ZNF726: variants seen among roughly 807,000 people sequenced by gnomAD.
The protein encoded by ZNF726 is zinc finger protein 92 pseudogene 3.
Under a neutral mutation model 11.6 loss-of-function variants are expected in ZNF726, and 15 were observed. The ratio of observed to expected loss-of-function variants is 1.29; its 90% CI spans 0.86 to 1.99. The LOEUF (loss-of-function observed/expected upper bound fraction) is 1.99, where lower values mean the gene tolerates loss of function less well. Among genes scored for constraint, ZNF726 ranks in the 30% most tolerant of loss-of-function variants. ZNF726 has a pLI of 0.00. For synonymous variants in ZNF726, 295 were observed against 243.6 expected (o/e 1.21, Z -1.96); for missense variants, 890 against 725.6 (o/e 1.23, Z -2.60).
In ZNF726 at chr19:23,914,897, C is replaced by T. The variant is rs535868181; in HGVS notation, c.-98C>T. The stretch of plus-strand genomic sequence containing the variant: ...TTGGCGGGGCCTTTGTCTCTATCTG[C>T]GGCCGGAGCTCCAGGTCTCGTCCTC... On this transcript the variant is annotated 5_prime_UTR_variant, in exon 1 of 4. Transcript: ENST00000594466. 8.4e-6 allele frequency: 13 copies of T among 1,554,972 alleles called. No individual in the cohort carries two copies. The Admixed American group carries it at 1.6e-4, about 20-fold the overall frequency.
At chr19:23,926,423 C>T (rs1427324703) in intron 3 of ZNF726, among the ~76,000 whole-genome samples, 1 of 151,780 alleles carries the variant, frequency 6.6e-6, no homozygotes, top group African/African-American at 2.4e-5. Flanking sequence ...AGCGTGATGG[C>T]GTGCATGTTA....
rs1050829182 is a variant in ZNF726, at chr19:23,932,634, T to C, written c.518T>C (p.Phe173Ser). ...YKIRHTRKKP[F>S]KCKNCVKSFC... ...ATAAGACATACTAGAAAGAAACCTTTCAAATGTAAAAATTGTGTCAAATCA... is the reference window on the plus strand; with the variant it reads ...ATAAGACATACTAGAAAGAAACCTTCCAAATGTAAAAATTGTGTCAAATCA... Residue 173 changes from phenylalanine (F) to serine (S), a missense_variant, in exon 4 of 4, where the codon TTC becomes TCC. Coordinates refer to ENST00000594466, the MANE Select transcript of ZNF726 (RefSeq NM_001244038.2). 1 of 1,556,078 alleles carries C rather than the reference T, an allele frequency of 6.4e-7. No homozygotes were observed. Among genetic ancestry groups the C allele is most frequent in the Non-Finnish European group, 8.7e-7 (1 of 1,153,312 alleles).
downstream of ZNF726, among the ~76,000 whole-genome samples, chr19:23,936,959 A>C (rs1446855952): frequency 6.6e-6 from 1 of 151,808 alleles, no homozygotes; most frequent in Admixed American, 6.6e-5. Flanking sequence ...GCCCGTTCTC[A>C]ATGAGCTGTT....
intron 3 of ZNF726, among the ~76,000 whole-genome samples, chr19:23,925,713 C>CTT (rs1207103965): frequency 2.3e-4 from 26 of 112,606 alleles, no homozygotes; most frequent in Non-Finnish European, 3.2e-4. Context: ...TTTTTCTTTT[C>CTT]TTTTTTTTTT....
At chr19:23,920,147 C>A in intron 3 of ZNF726, 65 bp downstream of exon 3, 1 of 1,179,788 alleles carries the variant, frequency 8.5e-7, no homozygotes, top group Non-Finnish European at 1.2e-6. Flanking sequence ...GAAAGCCAGT[C>A]TTTAAAGTGA....
intron 1 of ZNF726, among the ~76,000 whole-genome samples, 185 bp downstream of exon 1, chr19:23,915,182 G>A (rs1015592257): frequency 5.3e-5 from 8 of 152,110 alleles, no homozygotes; most frequent in Non-Finnish European, 7.4e-5. Flanking sequence ...CCGGGCTCCC[G>A]GGCGTTCTGT....
chr19:23,926,386 C>T (rs971774413), intron 3 of ZNF726, among the ~76,000 whole-genome samples: 3 of 151,902 alleles, frequency 2.0e-5, no homozygotes, highest in African/African-American at 7.3e-5. Context: ...AACCCCGTCT[C>T]TACTAAAAAT....
Position 23,934,423 on chromosome 19 carries a change from T to C in ZNF726, c.*456T>C. 1 of 461,430 alleles carries C rather than the reference T, an allele frequency of 2.2e-6. No homozygotes were observed. The highest frequency in any genetic ancestry group is 1.6e-5 in the South Asian group (1 of 60,916). 28.6% of individuals were successfully genotyped at this position (461,430 alleles called of 1,614,324 possible). A position where few individuals can be genotyped will look rare whatever the true frequency, so the allele number is the denominator to read the frequency against. ...AATGTGTCAAAGCCTTTAAGCAGTC[T>C]TCAATCCTGAGTAACCATAAGATAA... On this transcript the variant is annotated 3_prime_UTR_variant, in exon 4 of 4. Transcript: ENST00000594466.
chr19:23,930,385 G>T (rs1254394575), intron 3 of ZNF726, among the ~76,000 whole-genome samples: 2 of 151,706 alleles, frequency 1.3e-5, no homozygotes, highest in Non-Finnish European at 2.9e-5. Flanking sequence ...TTTTGTTTTG[G>T]AAGTTTATAT....
chr19:23,944,111 G>T lies in ZNF726; in HGVS notation c.322+522G>T, dbSNP rs563322405. 5 of 152,226 alleles carry T rather than the reference G, an allele frequency of 3.3e-5. No homozygotes were observed. In the South Asian group the frequency reaches 1.0e-3, roughly 32 times the overall value. The allele number at this position is 152,226 out of a possible 1,614,324, so 9.4% of individuals were successfully genotyped here. On this transcript the variant is annotated intron_variant, in intron 4 of 4. Transcript: ENST00000334589. ...TTATTGTTTTCATTTGCAGTTGCCT[G>T]TTGTTAGGTGATATTGACCACTTTT...
chr19:23,926,308 G>A (rs1218835495), intron 3 of ZNF726, among the ~76,000 whole-genome samples: 2 of 151,890 alleles, frequency 1.3e-5, no homozygotes, highest in Non-Finnish European at 2.9e-5. Context: ...TAATCCCAGC[G>A]CTTTGAGAGG....
rs1435358575 is a variant in ZNF726 at position 23,914,920 on chromosome 19, C to T, written c.-75C>T. On this transcript the variant is annotated 5_prime_UTR_variant, in exon 1 of 4. Transcript: ENST00000594466. ...TGCGGCCGGAGCTCCAGGTCTCGTC[C>T]TCACTACTCTGTGTCTTCTGCTTTT... The T allele has an allele frequency of 4.4e-6, 7 of 1,605,542 alleles. No individual in the cohort carries two copies. The highest frequency in any genetic ancestry group is 1.3e-5 in the African/African-American group (1 of 74,756).
At position 23,928,115 on chromosome 19, in the gene ZNF726, G is replaced by A. The variant is rs182034851; in HGVS notation, c.227-4228G>A. 4.7e-4 allele frequency: 71 copies of A among 152,186 alleles called. 1 individual carries two copies. The highest frequency in any genetic ancestry group is 1.6e-3 in the African/African-American group (68 of 41,522). The allele number at this position is 152,186 out of a possible 1,614,324, so 9.4% of individuals were successfully genotyped here. On this transcript the variant is annotated intron_variant, in intron 3 of 3. Transcript: ENST00000594466. Reference sequence around the variant, plus strand: ...TTTATTAGAAGAACCTGGCTCCTTCGCCTCATACTTGCTCTGTCTCTCATC... The same window carrying A: ...TTTATTAGAAGAACCTGGCTCCTTCACCTCATACTTGCTCTGTCTCTCATC...
chr19:23,941,078 C>T (rs1387621238), intron 3 of ZNF726, among the ~76,000 whole-genome samples: 1 of 152,136 alleles, frequency 6.6e-6, no homozygotes, highest in African/African-American at 2.4e-5. Flanking sequence ...GGAATGCTTT[C>T]AACTTTTCCC....
downstream of ZNF726, chr19:23,935,215 C>T (rs555596586): frequency 1.6e-5 from 7 of 443,712 alleles, no homozygotes; most frequent in African/African-American, 1.4e-4. Flanking sequence ...GGCAGGTTTC[C>T]CATGGAATGT....
chr19:23,940,033 G>T (rs62114245), intron 3 of ZNF726, among the ~76,000 whole-genome samples: 3 of 151,776 alleles, frequency 2.0e-5, no homozygotes, highest in Non-Finnish European at 2.9e-5. Context: ...GTTTAATTAG[G>T]TCCCAGCTAT....
chr19:23,939,486 T>G (rs1968302229), intron 3 of ZNF726, among the ~76,000 whole-genome samples: 1 of 152,180 alleles, frequency 6.6e-6, no homozygotes, highest in African/African-American at 2.4e-5. Context: ...GGGTTCTCTG[T>G]TCCATTGGTC....
chr19:23,941,677 A>C (rs1968341227), intron 3 of ZNF726, among the ~76,000 whole-genome samples: 2 of 152,026 alleles, frequency 1.3e-5, no homozygotes, highest in African/African-American at 4.8e-5. Flanking sequence ...CAGGGTATCT[A>C]ATTCTTCCTG....
chr19:23,939,055 C>T (rs1968295363), downstream of ZNF726, among the ~76,000 whole-genome samples: 1 of 151,714 alleles, frequency 6.6e-6, no homozygotes, highest in African/African-American at 2.4e-5. Context: ...TTTGTGAGAC[C>T]CTGATGGACC....
Sources: gnomAD v4.1 joint callset for allele counts (sites outside exome capture counted in the v4.1 genomes callset) on GRCh38, gnomAD v4.1.1 for gene constraint, MANE v1.5 for transcripts, NCBI Gene and HGNC (gene_info 2026-07-23, HGNC 2026-07-21) for gene names.